SFPQ: variants seen among roughly 807,000 people sequenced by gnomAD.
The protein encoded by SFPQ is splicing factor, proline- and glutamine-rich.
In SFPQ, 11 loss-of-function variants were observed where a neutral mutation model predicts 72.9. That is an observed-to-expected ratio of 0.15 (90% confidence interval 0.09 to 0.25). The LOEUF is 0.25. SFPQ is among the 10% of genes least tolerant of loss of function. SFPQ has a pLI of 1.00. For synonymous variants in SFPQ, 506 were observed against 367.3 expected, an observed-to-expected ratio of 1.38 and a Z score of -4.32; for missense variants, 847 against 993.3, an observed-to-expected ratio of 0.85 and a Z score of 1.98.
At chr1:35,179,472 T>A (rs779442307), downstream of SFPQ, 4 of 1,055,092 alleles carry the variant, frequency 3.8e-6, no homozygotes, top group Non-Finnish European at 3.4e-6. Flanking sequence ...CTGTTCTCAT[T>A]AAAAATAATT....
At chr1:35,188,231 CT>C (rs1233810632) in intron 6 of SFPQ, 141 bp from the exon 7 acceptor site, 1 of 665,550 alleles carries the variant, frequency 1.5e-6, no homozygotes, top group African/African-American at 1.8e-5. Flanking sequence ...GGGCATAGTA[CT>C]AAAGACATTC....
chr1:35,184,596 A>G lies in SFPQ; in HGVS notation c.1987-3T>C, dbSNP rs751383365. 1 of 1,575,496 alleles carries G rather than the reference A, an allele frequency of 6.3e-7. No homozygotes were observed. Among genetic ancestry groups the G allele is most frequent in the Non-Finnish European group, 8.6e-7 (1 of 1,167,420 alleles). ...CCCTGCCCAAAGCGCTCAGTACGCT[A>G]TTGGAACAGTAATTAACAGTTCATT... On this transcript the variant is annotated splice_region_variant and splice_polypyrimidine_tract_variant and intron_variant, in intron 9 of 9. Transcript: ENST00000357214.
In SFPQ at chr1:35,189,008, T is replaced by C. The variant is rs202231775; in HGVS notation, c.1692A>G (p.Gln564=). The C allele has an allele frequency of 1.1e-4, 173 of 1,609,884 alleles. No homozygotes were observed. The Admixed American group carries it at 2.4e-3, about 23-fold the overall frequency. ...AACCTTAAACACAATTTTACCTCAA[T>C]TGCATTTCTTTACGTTTCTGCATTT... ...NQEMQKRKEM[Q]LRQEEERRRR... Residue 564 remains glutamine, a synonymous_variant, in exon 6 of 10, where the codon CAA becomes CAG. Transcript: ENST00000357214.
In SFPQ at chr1:35,183,724, C is replaced by G. The variant is rs532667232; in HGVS notation, c.*732G>C. On this transcript the variant is annotated 3_prime_UTR_variant, in exon 10 of 10. Transcript: ENST00000357214. ...GCAACAAAATGACCTTTCCACTTTT[C>G]AAAAGCTTTCAAGTAAAGGATAGAT... The G allele has an allele frequency of 3.8e-5, 40 of 1,047,064 alleles. No individual in the cohort carries two copies. The East Asian group carries it at 2.1e-3, about 54-fold the overall frequency. 64.9% of individuals were successfully genotyped at this position (1,047,064 alleles called of 1,614,324 possible).
rs373766947 is a variant in SFPQ at position 35,187,058 on chromosome 1, T to C, written c.1929A>G (p.Glu643=). Residue 643 remains glutamate, a synonymous_variant, in exon 9 of 10, where the codon GAA becomes GAG. Transcript: ENST00000357214. Reference sequence around the variant, plus strand: ...TTGCTGGTGGAACGCCAGGATTAGCTTCATAACCTATGCCACCACCACCTC... The same window carrying C: ...TTGCTGGTGGAACGCCAGGATTAGCCTCATAACCTATGCCACCACCACCTC... The part of the protein sequence containing the change: ...PLGGGGGIGY[E]ANPGVPPATM... 1 of 1,613,974 alleles carries C rather than the reference T, an allele frequency of 6.2e-7. No homozygotes were observed. The highest frequency in any genetic ancestry group is 8.5e-7 in the Non-Finnish European group (1 of 1,179,980).
intron 4 of SFPQ, chr1:35,177,722 T>TTC (rs1277981858): frequency 6.2e-6 from 1 of 160,368 alleles, no homozygotes; most frequent in African/African-American, 2.4e-5. Context: ...ATATGGCCTA[T>TTC]TCCCCTTAAG....
chr1:35,187,770 A>G (rs1255732138), intron 7 of SFPQ, among the ~76,000 whole-genome samples: 1 of 151,882 alleles, frequency 6.6e-6, no homozygotes, highest in Non-Finnish European at 1.5e-5. Flanking sequence ...AAACAAAACA[A>G]AAAAACCAAG....
At chr1:35,179,399 T>C, downstream of SFPQ, 2 of 1,056,622 alleles carry the variant, frequency 1.9e-6, no homozygotes, top group Admixed American at 5.4e-5. Context: ...AAAGCACCGG[T>C]ATCTGTTCCA....
rs1050698523 is a variant in SFPQ at position 35,184,239 on chromosome 1, G to GA, written c.*216dup. 3 of 1,317,946 alleles carry GA rather than the reference G, an allele frequency of 2.3e-6. No homozygotes were observed. Among genetic ancestry groups the GA allele is most frequent in the Admixed American group, 4.2e-5 (1 of 23,868 alleles). 81.6% of individuals were successfully genotyped at this position (1,317,946 alleles called of 1,614,324 possible). On this transcript the variant is annotated 3_prime_UTR_variant, in exon 10 of 10. Transcript: ENST00000357214. ...TTGAGGGACATTATACAGTAAAAAA[G>GA]AAAAAATAAAGAAATAAAAAGGAAA...
chr1:35,186,227 G>A (rs1639704393), intron 9 of SFPQ, among the ~76,000 whole-genome samples: 1 of 152,102 alleles, frequency 6.6e-6, no homozygotes, highest in African/African-American at 2.4e-5. Flanking sequence ...CTATAAAAAT[G>A]CACTCTCTAA....
In SFPQ at chr1:35,188,047, G is replaced by A. The variant is rs1254190174; in HGVS notation, c.1741C>T (p.Arg581Cys). 5.6e-6 allele frequency: 9 copies of A among 1,613,870 alleles called. No homozygotes were observed. The highest frequency in any genetic ancestry group is 4.5e-5 in the East Asian group (2 of 44,880). ...ATTTGTTCTTCCATCTCACGTTGAC[G>A]AATCATCATCTCTTCCTCTCTTCTA... ...RRRREEEMMIRQREMEEQMRR... is the reference protein window; with the variant it reads ...RRRREEEMMICQREMEEQMRR... The change falls in exon 7 of 10, where the codon CGT (arginine) becomes TGT (cysteine). Residue 581 changes from arginine (R) to cysteine (C), a missense_variant. Coordinates refer to ENST00000357214, the MANE Select transcript of SFPQ (RefSeq NM_005066.3).
chr1:35,192,906 A>C lies in SFPQ; in HGVS notation c.144T>G (p.Gly48=). The C allele has an allele frequency of 6.3e-7, 1 of 1,579,342 alleles. No homozygotes were observed. The highest frequency in any genetic ancestry group is 8.5e-7 in the Non-Finnish European group (1 of 1,170,930). ...TAGGGCCGCTCTGGCCCGGGCCAGGACCCATGGGGCCGCGATTCTGATTGA... is the reference window on the plus strand; with the variant it reads ...TAGGGCCGCTCTGGCCCGGGCCAGGCCCCATGGGGCCGCGATTCTGATTGA... The part of the protein sequence containing the change: ...MGLNQNRGPM[G]PGPGQSGPKP... The change falls in exon 1 of 10, where the codon GGT becomes GGG. Residue 48 remains glycine, a synonymous_variant. Transcript: ENST00000357214.
downstream of SFPQ, chr1:35,178,117 T>C: frequency 8.5e-7 from 1 of 1,170,046 alleles, no homozygotes; most frequent in Non-Finnish European, 1.1e-6. Context: ...ACTTCAAAAT[T>C]TAAAGAGTAA....
intron 4 of SFPQ, among the ~76,000 whole-genome samples, chr1:35,190,071 G>A: frequency 6.6e-6 from 1 of 152,120 alleles, no homozygotes; most frequent in East Asian, 1.9e-4. Context: ...GATCAGCCTA[G>A]TCAACATGGT....
intron 1 of SFPQ, 25 bp downstream of exon 1, chr1:35,192,197 A>T: frequency 7.2e-7 from 1 of 1,380,360 alleles, no homozygotes; most frequent in Admixed American, 3.4e-5. Flanking sequence ...AGGGGAGCCG[A>T]CGCGTCGCTC....
At chr1:35,189,962 CA>C (rs1055645760) in intron 4 of SFPQ, among the ~76,000 whole-genome samples, 2 of 150,080 alleles carry the variant, frequency 1.3e-5, no homozygotes, top group Non-Finnish European at 3.0e-5. Flanking sequence ...AAAAACAAAA[CA>C]AAAAAAAACG....
chr1:35,187,238 A>AT lies in SFPQ; in HGVS notation c.1828dup (p.Met610AsnfsTer34). The AT allele has an allele frequency of 6.2e-7, 1 of 1,614,164 alleles. No homozygotes were observed. The highest frequency in any genetic ancestry group is 8.5e-7 in the Non-Finnish European group (1 of 1,180,022). On this transcript the variant is annotated frameshift_variant, in exon 8 of 10. Coordinates refer to ENST00000357214, the MANE Select transcript of SFPQ (RefSeq NM_005066.3). LOFTEE classifies it high-confidence loss of function. ...CATTGCTCCTCCGCCACCCATTCGC[A>AT]TGTCTCTTTCCCGCTGCAAGAAAAA... is the stretch of plus-strand genomic sequence containing the variant.
chr1:35,189,165 T>G (rs901119391), intron 5 of SFPQ, 21 bp downstream of exon 5: 3 of 1,613,658 alleles, frequency 1.9e-6, no homozygotes, highest in South Asian at 1.1e-5. Flanking sequence ...AGCAATGATG[T>G]TCACGCACAG....
downstream of SFPQ, chr1:35,178,119 A>T: frequency 4.3e-6 from 5 of 1,173,814 alleles, no homozygotes; most frequent in Non-Finnish European, 5.3e-6. Flanking sequence ...TTCAAAATTT[A>T]AAGAGTAAAA....
Sources: allele counts gnomAD v4.1 joint callset (sites outside exome capture counted in the v4.1 genomes callset), GRCh38; gene constraint gnomAD v4.1.1; transcripts MANE v1.5; gene names NCBI Gene and HGNC (gene_info 2026-07-23, HGNC 2026-07-21).